The following DLG2 variants were observed in gnomAD, a reference collection of about 807,000 sequenced individuals.
DLG2 encodes disks large homolog 2.
A neutral mutation model predicts 132.5 loss-of-function variants in DLG2; 45 were observed. That is an observed-to-expected ratio of 0.34 (90% CI 0.27 to 0.44). The LOEUF (loss-of-function observed/expected upper bound fraction) is 0.44. Ranked by LOEUF, DLG2 falls within the 20% of genes least tolerant of loss-of-function variation. The probability of loss-of-function intolerance (pLI) is 1.00; values close to 1 mark genes in which losing one functional copy is unlikely to be tolerated. For synonymous variants in DLG2, 424 were observed against 419.6 expected, an observed-to-expected ratio of 1.01 and a Z score of -0.13; for missense variants, 1,045 against 1,196.9, an observed-to-expected ratio of 0.87 and a Z score of 1.87.
intron 3 of DLG2, among the ~76,000 whole-genome samples, chr11:85,569,251 C>T (rs1350554822): frequency 6.6e-6 from 1 of 152,030 alleles, no homozygotes; most frequent in East Asian, 1.9e-4. Context: ...AGGCTGGCCT[C>T]AAACTCCTGA....
chr11:84,431,559 A>T (rs974534457), intron 7 of DLG2, among the ~76,000 whole-genome samples: 1 of 151,912 alleles, frequency 6.6e-6, no homozygotes, highest in African/African-American at 2.4e-5. Flanking sequence ...TTTTTCCTTT[A>T]TCATTTACCT....
At chr11:85,266,891 G>T (rs1355386112) in intron 4 of DLG2, among the ~76,000 whole-genome samples, 1 of 152,148 alleles carries the variant, frequency 6.6e-6, no homozygotes, top group Non-Finnish European at 1.5e-5. Flanking sequence ...TTTTAGTGTT[G>T]CACCACAAGT....
chr11:83,825,470 T>A (rs1415391915), intron 17 of DLG2, among the ~76,000 whole-genome samples: 1 of 152,026 alleles, frequency 6.6e-6, no homozygotes, highest in Non-Finnish European at 1.5e-5. Flanking sequence ...TGTGAGCCAC[T>A]GTGCCCGGCC....
intron 3 of DLG2, among the ~76,000 whole-genome samples, chr11:85,470,203 A>G (rs2092937062): frequency 6.6e-6 from 1 of 151,538 alleles, no homozygotes; most frequent in Non-Finnish European, 1.5e-5. Context: ...AACCAAATTA[A>G]TCTACTTGGT....
intron 6 of DLG2, among the ~76,000 whole-genome samples, chr11:84,564,128 G>T (rs752677312): frequency 9.2e-5 from 14 of 152,186 alleles, no homozygotes; most frequent in Non-Finnish European, 7.3e-5. Flanking sequence ...TTTATCCAGG[G>T]TAAGCCTATT....
intron 19 of DLG2, among the ~76,000 whole-genome samples, chr11:83,580,829 T>TCCCCCCTC (rs2096959639): frequency 1.9e-5 from 1 of 52,852 alleles, no homozygotes; most frequent in Non-Finnish European, 3.5e-5. Context: ...CTTCCTCCCT[T>TCCCCCCTC]CCCCCCTCCC....
intron 6 of DLG2, among the ~76,000 whole-genome samples, chr11:85,016,404 T>A (rs1286642958): frequency 6.6e-6 from 1 of 152,208 alleles, no homozygotes; most frequent in Non-Finnish European, 1.5e-5. Context: ...TTTCATTTTT[T>A]CCTCAGTTTA....
At chr11:83,902,695 G>A (rs2073794824) in intron 15 of DLG2, among the ~76,000 whole-genome samples, 3 of 152,116 alleles carry the variant, frequency 2.0e-5, no homozygotes, top group African/African-American at 7.2e-5. Flanking sequence ...TAGGTATTAG[G>A]AAGACAGAAA....
intron 21 of DLG2, among the ~76,000 whole-genome samples, chr11:83,511,004 A>C (rs1243980270): frequency 6.8e-6 from 1 of 146,940 alleles, no homozygotes; most frequent in Non-Finnish European, 1.5e-5. Context: ...AAAACACCGC[A>C]AACTGCCCTC....
At chr11:85,606,405 G>A (rs2080544718) in intron 2 of DLG2, among the ~76,000 whole-genome samples, 1 of 152,154 alleles carries the variant, frequency 6.6e-6, no homozygotes, top group Non-Finnish European at 1.5e-5. Context: ...GATTGTAAAT[G>A]CACCAATCAG....
At chr11:84,577,306 C>T (rs1366999744) in intron 6 of DLG2, among the ~76,000 whole-genome samples, 1 of 152,144 alleles carries the variant, frequency 6.6e-6, no homozygotes, top group Admixed American at 6.5e-5. Flanking sequence ...GTGTAAGCCA[C>T]TTTGGAGCTG....
chr11:84,468,688 CCATGTTTCT>C (rs1444112577), intron 7 of DLG2, among the ~76,000 whole-genome samples: 9 of 151,456 alleles, frequency 5.9e-5, no homozygotes, highest in Non-Finnish European at 1.3e-4. Context: ...CTTTAAAGCA[CCATGTTTCT>C]CAAACTTACT....
chr11:84,558,539 T>C (rs2099416562), intron 6 of DLG2, among the ~76,000 whole-genome samples: 1 of 152,190 alleles, frequency 6.6e-6, no homozygotes, highest in African/African-American at 2.4e-5. Context: ...TGGCTCCCTT[T>C]AATCACAGCA....
intron 18 of DLG2, among the ~76,000 whole-genome samples, chr11:83,734,414 TCC>T (rs2091594741): frequency 1.4e-5 from 2 of 142,888 alleles, no homozygotes; most frequent in South Asian, 2.4e-4. Flanking sequence ...CTTCCCTCCC[TCC>T]TTCCCTCCCT....
intron 3 of DLG2, among the ~76,000 whole-genome samples, chr11:85,547,506 A>G (rs2076408590): frequency 6.6e-6 from 1 of 152,108 alleles, no homozygotes; most frequent in African/African-American, 2.4e-5. Flanking sequence ...TGTTCTCTGT[A>G]GTTCCTGAAT....
At chr11:84,318,185 T>C (rs1178148527) in intron 7 of DLG2, among the ~76,000 whole-genome samples, 1 of 152,244 alleles carries the variant, frequency 6.6e-6, no homozygotes, top group Non-Finnish European at 1.5e-5. Flanking sequence ...TAATTTTTTC[T>C]AACTTAAAGC....
chr11:85,386,157 T>C (rs971362616), intron 3 of DLG2, among the ~76,000 whole-genome samples: 1 of 152,196 alleles, frequency 6.6e-6, no homozygotes, highest in Admixed American at 6.5e-5. Context: ...GACTTTGAAA[T>C]CTAAAAAATC....
chr11:83,619,063 AT>A (rs2061264297), intron 19 of DLG2, among the ~76,000 whole-genome samples: 1 of 152,210 alleles, frequency 6.6e-6, no homozygotes, highest in Non-Finnish European at 1.5e-5. Context: ...ACCCGTATCC[AT>A]TCCATCATAC....
chr11:83,526,780 C>T (rs1168183347), intron 21 of DLG2, among the ~76,000 whole-genome samples: 2 of 152,088 alleles, frequency 1.3e-5, no homozygotes, highest in African/African-American at 2.4e-5. Flanking sequence ...CATACTTATT[C>T]TGTATCTTAC....
Sources: allele counts gnomAD v4.1 joint callset (sites outside exome capture counted in the v4.1 genomes callset), GRCh38; gene constraint gnomAD v4.1.1; transcripts MANE v1.5; gene names NCBI Gene and HGNC (gene_info 2026-07-23, HGNC 2026-07-21).